Variants in INTU observed in about 807,000 individuals in gnomAD.
INTU encodes the protein inturned planar cell polarity protein, also known as protein inturned.
Under a neutral mutation model 100.5 loss-of-function variants are expected in INTU, and 68 were observed. That is an observed-to-expected ratio of 0.68 (90% CI 0.56 to 0.83). INTU has a LOEUF of 0.83. Ranked by LOEUF, INTU falls within the 40% of genes least tolerant of loss-of-function variation. The pLI, the probability that INTU is intolerant of heterozygous loss-of-function variation, is 0.00. For synonymous variants in INTU, 357 were observed against 395.7 expected (o/e 0.90, Z 1.16); for missense variants, 1,071 against 1,114.7 (o/e 0.96, Z 0.56).
At chr4:127,634,605 G>T (rs1052522272) in intron 1 of INTU, among the ~76,000 whole-genome samples, 6 of 152,102 alleles carry the variant, frequency 3.9e-5, no homozygotes, top group Admixed American at 3.9e-4. Context: ...ATACATGTAT[G>T]TATGTTATAT....
chr4:127,721,646 C>G lies in INTU; in HGVS notation c.*5210C>G, dbSNP rs1007869108. ...AGTCTTTTAACATAATCCCATAGTTCTCAGAGGTTTCATTCATTCCTTTTC... is the reference window on the plus strand; with the variant it reads ...AGTCTTTTAACATAATCCCATAGTTGTCAGAGGTTTCATTCATTCCTTTTC... On this transcript the variant is annotated 3_prime_UTR_variant, in exon 16 of 16. Transcript: ENST00000335251. The G allele has an allele frequency of 2.6e-5, 4 of 152,168 alleles. No homozygotes were observed. Among genetic ancestry groups the G allele is most frequent in the Admixed American group, 2.0e-4 (3 of 15,278 alleles). The allele number at this position is 152,168 out of a possible 1,614,324, so 9.4% of individuals were successfully genotyped here.
chr4:127,712,305 G>C (rs1358629156), intron 14 of INTU, among the ~76,000 whole-genome samples: 2 of 152,010 alleles, frequency 1.3e-5, no homozygotes, highest in East Asian at 1.9e-4. Flanking sequence ...TTGTTATTCT[G>C]TAAAAATACT....
intron 8 of INTU, among the ~76,000 whole-genome samples, chr4:127,691,055 C>G (rs1449597142): frequency 2.0e-5 from 3 of 152,152 alleles, no homozygotes; most frequent in African/African-American, 7.2e-5. Context: ...GATCTTTTCA[C>G]TGCCTCCATC....
rs1731341743 is a variant in INTU, at chr4:127,721,241, G to A, written c.*4805G>A. 6.6e-6 allele frequency: 1 copy of A among 152,144 alleles called. No homozygotes were observed. The highest frequency in any genetic ancestry group is 6.5e-5 in the Admixed American group (1 of 15,272). 9.4% of individuals were successfully genotyped at this position (152,144 alleles called of 1,614,324 possible). ...TCCTTCACTTATGAAGCTTAGTTCAGCCAGATATGAAATTCTAGGTTGGAA... is the reference window on the plus strand; with the variant it reads ...TCCTTCACTTATGAAGCTTAGTTCAACCAGATATGAAATTCTAGGTTGGAA... On this transcript the variant is annotated 3_prime_UTR_variant, in exon 16 of 16. Transcript: ENST00000335251.
intron 8 of INTU, among the ~76,000 whole-genome samples, chr4:127,698,234 G>A (rs1730482735): frequency 6.6e-6 from 1 of 152,100 alleles, no homozygotes; most frequent in African/African-American, 2.4e-5. Context: ...AGGCCGAGGT[G>A]GGAGGATCAC....
intron 8 of INTU, among the ~76,000 whole-genome samples, chr4:127,693,815 T>C (rs1309402519): frequency 1.3e-5 from 2 of 152,106 alleles, no homozygotes; most frequent in African/African-American, 4.8e-5. Flanking sequence ...GCTTTTTCTG[T>C]GTCTATTGAG....
At chr4:127,676,842 T>G (rs187046566) in intron 6 of INTU, among the ~76,000 whole-genome samples, 3 of 152,060 alleles carry the variant, frequency 2.0e-5, no homozygotes, top group East Asian at 1.9e-4. Flanking sequence ...TTCCCTTTCC[T>G]AGTCAAAGAA....
chr4:127,713,308 C>A (rs1409319403), intron 14 of INTU, among the ~76,000 whole-genome samples: 2 of 152,054 alleles, frequency 1.3e-5, no homozygotes, highest in African/African-American at 4.8e-5. Context: ...CCAAAAAGAT[C>A]TGTTGATGGA....
intron 2 of INTU, among the ~76,000 whole-genome samples, chr4:127,650,794 A>C (rs1211965551): frequency 6.6e-6 from 1 of 151,826 alleles, no homozygotes; most frequent in Non-Finnish European, 1.5e-5. Context: ...AGGAATCGCC[A>C]CACTGACTTC....
At chr4:127,706,016 G>T (rs972868116) in intron 11 of INTU, among the ~76,000 whole-genome samples, 10 of 151,942 alleles carry the variant, frequency 6.6e-5, no homozygotes, top group African/African-American at 2.4e-4. Context: ...CTTTTCTTTT[G>T]CATCCATTTA....
intron 2 of INTU, among the ~76,000 whole-genome samples, chr4:127,654,492 G>C (rs1728078427): frequency 6.6e-6 from 1 of 152,106 alleles, no homozygotes; most frequent in African/African-American, 2.4e-5. Flanking sequence ...AGCTTAGTTT[G>C]GCTGGATATG....
chr4:127,650,578 C>G (rs1578539942), intron 2 of INTU, among the ~76,000 whole-genome samples: 1 of 151,914 alleles, frequency 6.6e-6, no homozygotes, highest in African/African-American at 2.4e-5. Flanking sequence ...GCATAGTATT[C>G]CATGGTGTAT....
At chr4:127,674,557 G>A (rs182319311) in intron 6 of INTU, among the ~76,000 whole-genome samples, 52 of 152,246 alleles carry the variant, frequency 3.4e-4, no homozygotes, top group African/African-American at 1.3e-3. Flanking sequence ...TACTGTTGGA[G>A]GTTTTGGAGA....
chr4:127,679,485 ACCT>A (rs1729410240), intron 6 of INTU, among the ~76,000 whole-genome samples: 1 of 152,102 alleles, frequency 6.6e-6, no homozygotes, highest in South Asian at 2.1e-4. Flanking sequence ...AAACTGATCA[ACCT>A]CCTCCTGAAT....
intron 6 of INTU, among the ~76,000 whole-genome samples, chr4:127,674,666 T>G (rs1172992822): frequency 1.3e-5 from 2 of 152,200 alleles, no homozygotes; most frequent in Non-Finnish European, 2.9e-5. Context: ...TGGTACATCT[T>G]ATATTATCAT....
At chr4:127,705,442 C>A in intron 10 of INTU, 149 bp from the exon 11 acceptor site, 1 of 650,642 alleles carries the variant, frequency 1.5e-6, no homozygotes, top group Non-Finnish European at 2.7e-6. Flanking sequence ...AGAAAAGAAA[C>A]ATTTACTTTT....
chr4:127,711,807 G>C (rs1344156573), intron 14 of INTU, among the ~76,000 whole-genome samples: 2 of 152,192 alleles, frequency 1.3e-5, no homozygotes, highest in Non-Finnish European at 2.9e-5. Context: ...AAAGGTTGGG[G>C]ACTGCTGGGT....
intron 6 of INTU, among the ~76,000 whole-genome samples, chr4:127,681,861 A>G (rs558622190): frequency 3.3e-5 from 5 of 152,280 alleles, no homozygotes; most frequent in South Asian, 2.1e-4. Context: ...TCATCTGACA[A>G]AGGGCTAATA....
At chr4:127,692,974 G>T (rs918759308) in intron 8 of INTU, among the ~76,000 whole-genome samples, 11 of 151,984 alleles carry the variant, frequency 7.2e-5, no homozygotes, top group Admixed American at 7.2e-4. Flanking sequence ...TGCCATTTTG[G>T]TGACTGTGGC....
Sources: gnomAD v4.1 joint callset for allele counts (sites outside exome capture counted in the v4.1 genomes callset) on GRCh38, gnomAD v4.1.1 for gene constraint, MANE v1.5 for transcripts, NCBI Gene and HGNC (gene_info 2026-07-23, HGNC 2026-07-21) for gene names.